ME1: variants seen among roughly 807,000 people sequenced by gnomAD.
ME1 encodes NADP-dependent malic enzyme.
Under a neutral mutation model 66.4 loss-of-function variants are expected in ME1, and 74 were observed. That is an observed-to-expected ratio of 1.11 (90% CI 0.92 to 1.35). ME1 has a LOEUF of 1.35. Ranked by LOEUF, ME1 falls within the 40% of genes most tolerant of loss-of-function variation. The pLI, the probability that ME1 is intolerant of heterozygous loss-of-function variation, is 0.00. For synonymous variants in ME1, 251 were observed against 235.6 expected, an observed-to-expected ratio of 1.07 and a Z score of -0.60; for missense variants, 750 against 694.1, an observed-to-expected ratio of 1.08 and a Z score of -0.90.
chr6:83,343,445 G>C (rs545829801), intron 5 of ME1, among the ~76,000 whole-genome samples: 12 of 152,282 alleles, frequency 7.9e-5, no homozygotes, highest in African/African-American at 2.6e-4. Context: ...AAGAGTTAAA[G>C]GTTCACCATT....
chr6:83,398,841 C>A (rs1209392564), intron 2 of ME1, among the ~76,000 whole-genome samples: 1 of 149,790 alleles, frequency 6.7e-6, no homozygotes, highest in Non-Finnish European at 1.5e-5. Context: ...TGGTGGCTCA[C>A]GCCTGTAATC....
chr6:83,330,658 A>G (rs1449552863), intron 5 of ME1, among the ~76,000 whole-genome samples: 1 of 152,202 alleles, frequency 6.6e-6, no homozygotes, highest in South Asian at 2.1e-4. Context: ...ATTTTGTTCT[A>G]TACAATCAGT....
intron 6 of ME1, among the ~76,000 whole-genome samples, chr6:83,296,827 T>C (rs545279202): frequency 1.3e-5 from 2 of 152,222 alleles, no homozygotes; most frequent in Admixed American, 6.5e-5. Context: ...AGTTTCAGGA[T>C]ACAAAATCAA....
intron 1 of ME1, among the ~76,000 whole-genome samples, chr6:83,427,893 T>A (rs1465078693): frequency 6.6e-6 from 1 of 151,894 alleles, no homozygotes; most frequent in East Asian, 1.9e-4. Flanking sequence ...ATGCCTGTAA[T>A]CTCAGCTACT....
chr6:83,299,625 T>C (rs1366087499), intron 6 of ME1, among the ~76,000 whole-genome samples: 1 of 152,198 alleles, frequency 6.6e-6, no homozygotes, highest in Non-Finnish European at 1.5e-5. Flanking sequence ...TGGCCAGAAC[T>C]TTCAATACTA....
chr6:83,212,075 T>C lies in ME1; in HGVS notation c.1568A>G (p.Gln523Arg), dbSNP rs969743171. ...AGGATAAACTGTGGCTGTCTTTTCT[T>C]GGTATGCATCTTTCACAATCTAGAT... is the stretch of plus-strand genomic sequence containing the variant. ...IAEKIVKDAY[Q>R]EKTATVYPEP... The change falls in exon 14 of 14, where the codon CAA becomes CGA. Residue 523 changes from glutamine to arginine, a missense_variant. Physicochemically the swap from Gln to Arg is conservative, Grantham distance 43. Transcript: ENST00000369705. 6.2e-7 allele frequency: 1 copy of C among 1,607,902 alleles called. No homozygotes were observed. Among genetic ancestry groups the C allele is most frequent in the South Asian group, 1.1e-5 (1 of 89,978 alleles).
intron 6 of ME1, among the ~76,000 whole-genome samples, chr6:83,291,368 T>C (rs1767499821): frequency 6.6e-6 from 1 of 152,214 alleles, no homozygotes; most frequent in Non-Finnish European, 1.5e-5. Context: ...TTATTTCTCC[T>C]TCACTTATGA....
intron 13 of ME1, 21 bp downstream of exon 13, chr6:83,216,477 C>T: frequency 6.7e-7 from 1 of 1,485,572 alleles, no homozygotes; most frequent in Non-Finnish European, 9.3e-7. Context: ...AATAATGAAG[C>T]TTGAACAAGA....
At chr6:83,329,368 G>T (rs1300623059) in intron 5 of ME1, among the ~76,000 whole-genome samples, 2 of 152,044 alleles carry the variant, frequency 1.3e-5, no homozygotes, top group Non-Finnish European at 2.9e-5. Flanking sequence ...TTTCACAAAG[G>T]AATATATGAT....
chr6:83,430,829 C>T, intron 1 of ME1, 48 bp downstream of exon 1: 1 of 1,497,398 alleles, frequency 6.7e-7, no homozygotes, highest in East Asian at 2.4e-5. Context: ...GGGCCCTGAC[C>T]CTGATAGAGA....
chr6:83,249,757 C>T (rs1790689952), intron 7 of ME1, among the ~76,000 whole-genome samples: 1 of 152,050 alleles, frequency 6.6e-6, no homozygotes. Flanking sequence ...GAAAGTACTA[C>T]ATTAGAATAC....
chr6:83,397,625 A>G (rs1562002566), intron 3 of ME1, among the ~76,000 whole-genome samples: 1 of 152,230 alleles, frequency 6.6e-6, no homozygotes, highest in Non-Finnish European at 1.5e-5. Flanking sequence ...ACTACTGGGT[A>G]CATATCCAAA....
intron 3 of ME1, among the ~76,000 whole-genome samples, chr6:83,388,084 T>C (rs1769547107): frequency 7.3e-6 from 1 of 137,094 alleles, no homozygotes; most frequent in Admixed American, 8.1e-5. Flanking sequence ...CTTTCCTTCC[T>C]TCCTTCCTTT....
intron 8 of ME1, among the ~76,000 whole-genome samples, 180 bp downstream of exon 8, chr6:83,239,359 T>C (rs1392952498): frequency 1.3e-5 from 2 of 152,100 alleles, no homozygotes; most frequent in Admixed American, 6.6e-5. Flanking sequence ...ATTACTTCTG[T>C]ACTAAATTAT....
At chr6:83,411,868 T>C (rs1770054646) in intron 1 of ME1, among the ~76,000 whole-genome samples, 1 of 152,184 alleles carries the variant, frequency 6.6e-6, no homozygotes, top group African/African-American at 2.4e-5. Flanking sequence ...GCTTTCCCTA[T>C]TCCTTATAAA....
chr6:83,400,495 C>A (rs1769818295), intron 2 of ME1, among the ~76,000 whole-genome samples: 1 of 152,200 alleles, frequency 6.6e-6, no homozygotes, highest in African/African-American at 2.4e-5. Context: ...ACATACTCCT[C>A]TTCTCTGAAA....
chr6:83,215,399 G>C (rs1789970705), intron 13 of ME1, among the ~76,000 whole-genome samples: 1 of 152,148 alleles, frequency 6.6e-6, no homozygotes, highest in Non-Finnish European at 1.5e-5. Context: ...CCGCATGATG[G>C]TTATTGACCC....
chr6:83,379,050 A>G (rs1436049497), intron 3 of ME1, among the ~76,000 whole-genome samples: 1 of 152,136 alleles, frequency 6.6e-6, no homozygotes, highest in Non-Finnish European at 1.5e-5. Context: ...CAACACTAAT[A>G]AAATGAATTT....
At chr6:83,400,827 C>A (rs557747264) in intron 2 of ME1, among the ~76,000 whole-genome samples, 1 of 152,312 alleles carries the variant, frequency 6.6e-6, no homozygotes, top group African/African-American at 2.4e-5. Context: ...CCCATTACCT[C>A]GCTAACTTCC....
Sources: gnomAD v4.1 joint callset for allele counts (sites outside exome capture counted in the v4.1 genomes callset) on GRCh38, gnomAD v4.1.1 for gene constraint, MANE v1.5 for transcripts, NCBI Gene and HGNC (gene_info 2026-07-23, HGNC 2026-07-21) for gene names.